Variants in PIK3R3 observed in about 807,000 individuals in gnomAD.
PIK3R3 encodes phosphoinositide-3-kinase regulatory subunit 3, also known as phosphatidylinositol 3-kinase regulatory subunit gamma.
PIK3R3 carries 64 observed loss-of-function variants against 62.9 expected under a neutral mutation model. The observed-to-expected ratio is 1.02, with a 90% confidence interval of 0.83 to 1.25. PIK3R3 has a LOEUF of 1.25. Among genes scored for constraint, PIK3R3 ranks in the 50% most tolerant of loss-of-function variants. The pLI is 0.00. For missense variants in PIK3R3, 614 were observed against 561.6 expected, an observed-to-expected ratio of 1.09 and a Z score of -0.94; for synonymous variants, 165 against 189.0, an observed-to-expected ratio of 0.87 and a Z score of 1.04.
At chr1:46,139,327 C>T in the PIK3R3 span, among the ~76,000 whole-genome samples, 4 of 150,614 alleles carry the variant, frequency 2.7e-5, no homozygotes, top group Admixed American at 6.6e-5. Flanking sequence ...CTTTTTGAGA[C>T]GGAGTTTCAC....
chr1:46,066,997 T>C lies in PIK3R3; in HGVS notation c.409A>G (p.Ile137Val). ...PLTFNSVVEL[I>V]NHYHHESLAQ... ...AGAGATTCATGGTGATAGTGGTTAA[T>C]GAGCTCCACCACGGAATTAAATGTC... is the stretch of plus-strand genomic sequence containing the variant. The change falls in exon 4 of 10, where the codon ATT (isoleucine) becomes GTT (valine). Residue 137 changes from isoleucine (I) to valine (V), a missense_variant. By Grantham distance (29) the Ile-to-Val change is conservative (BLOSUM62 3). Transcript: ENST00000262741. 6.2e-7 allele frequency: 1 copy of C among 1,608,726 alleles called. No homozygotes were observed. The highest frequency in any genetic ancestry group is 8.5e-7 in the Non-Finnish European group (1 of 1,177,620).
chr1:46,099,477 T>A lies in PIK3R3; in HGVS notation c.107-18727A>T, dbSNP rs372559598. Among the ~76,000 whole-genome samples the A allele has an allele frequency of 3.9e-4, 59 of 152,332 alleles. 1 individual carries two copies. The South Asian group carries it at 0.011, about 29-fold the overall frequency. On this transcript the variant is annotated intron_variant, in intron 1 of 9. Coordinates refer to ENST00000262741, the MANE Select transcript of PIK3R3 (RefSeq NM_003629.4). ...CCCTTATTTTTCCCCAGGGGTTCCATCTCCTAACATATTTTGTATCTTTAT... is the reference window on the plus strand; with the variant it reads ...CCCTTATTTTTCCCCAGGGGTTCCAACTCCTAACATATTTTGTATCTTTAT...
At chr1:46,057,120 C>T (rs754911941) in intron 6 of PIK3R3, 1 of 152,256 alleles carries the variant, frequency 6.6e-6, no homozygotes, top group African/African-American at 2.4e-5. Context: ...ATACTGTTCT[C>T]GTGGTAGTGA....
chr1:46,103,470 T>C (rs186008248), intron 1 of PIK3R3, among the ~76,000 whole-genome samples: 1 of 152,062 alleles, frequency 6.6e-6, no homozygotes, highest in East Asian at 2.0e-4. Flanking sequence ...CTCAGGAGGC[T>C]GAGGCACGAG....
chr1:46,166,270 C>A, the PIK3R3 span, among the ~76,000 whole-genome samples: 1 of 150,452 alleles, frequency 6.6e-6, no homozygotes. Context: ...GTCGCCCAGG[C>A]TGGAGTGCAG....
intron 6 of PIK3R3, chr1:46,056,212 G>A (rs554593234): frequency 3.7e-5 from 11 of 298,596 alleles, no homozygotes; most frequent in East Asian, 1.6e-4. Context: ...CACCACACCC[G>A]GCTAATTTTT....
intron 3 of PIK3R3, among the ~76,000 whole-genome samples, chr1:46,070,367 T>C (rs1279657762): frequency 6.6e-6 from 1 of 152,220 alleles, no homozygotes; most frequent in African/African-American, 2.4e-5. Context: ...TGTAAATATG[T>C]TGATAGCTGT....
At chr1:46,050,252 A>T (rs753564621) in intron 7 of PIK3R3, among the ~76,000 whole-genome samples, 1 of 152,050 alleles carries the variant, frequency 6.6e-6, no homozygotes, top group African/African-American at 2.4e-5. Flanking sequence ...ACTTATAAAA[A>T]TTTAGTTATC....
chr1:46,090,007 T>G (rs1287145872), intron 1 of PIK3R3, among the ~76,000 whole-genome samples: 1 of 152,116 alleles, frequency 6.6e-6, no homozygotes, highest in East Asian at 1.9e-4. Context: ...CCGGAAGAGT[T>G]AAGTGTTGCC....
chr1:46,064,862 TAAG>T (rs1648849998), intron 5 of PIK3R3, among the ~76,000 whole-genome samples: 2 of 151,914 alleles, frequency 1.3e-5, no homozygotes, highest in Admixed American at 6.6e-5. Flanking sequence ...ATTTCCACCT[TAAG>T]AAGCTAGGAA....
intron 1 of PIK3R3, among the ~76,000 whole-genome samples, chr1:46,115,541 G>A (rs1417542518): frequency 6.6e-6 from 1 of 152,130 alleles, no homozygotes; most frequent in African/African-American, 2.4e-5. Context: ...GGTCCATACT[G>A]CATATATTTT....
At chr1:46,120,693 T>C (rs1461466263) in intron 1 of PIK3R3, among the ~76,000 whole-genome samples, 1 of 152,234 alleles carries the variant, frequency 6.6e-6, no homozygotes, top group Non-Finnish European at 1.5e-5. Context: ...GTTATGGTTT[T>C]CCAAATTACT....
chr1:46,142,428 G>A, the PIK3R3 span, among the ~76,000 whole-genome samples: 2 of 152,236 alleles, frequency 1.3e-5, no homozygotes, highest in Non-Finnish European at 2.9e-5. Flanking sequence ...GCCGGGCGCG[G>A]TGGCTCACGC....
intron 1 of PIK3R3, among the ~76,000 whole-genome samples, chr1:46,110,528 T>A (rs1197448679): frequency 1.3e-5 from 2 of 152,116 alleles, no homozygotes. Context: ...AAGTAATACC[T>A]CTTCTTTGAT....
the PIK3R3 span, among the ~76,000 whole-genome samples, chr1:46,147,654 T>C: frequency 6.6e-6 from 1 of 150,814 alleles, no homozygotes; most frequent in African/African-American, 2.5e-5. Flanking sequence ...CTCGATCTCC[T>C]GACCTCGTGA....
At chr1:46,101,981 T>TTTC in intron 1 of PIK3R3, among the ~76,000 whole-genome samples, 1 of 20,834 alleles carries the variant, frequency 4.8e-5, no homozygotes, top group Middle Eastern at 0.014. Flanking sequence ...AATTGTATAC[T>TTTC]TTTTTTTTTT....
chr1:46,168,883 C>T, the PIK3R3 span, among the ~76,000 whole-genome samples: 1 of 152,106 alleles, frequency 6.6e-6, no homozygotes, highest in Non-Finnish European at 1.5e-5. Context: ...GGAACAGTGG[C>T]ATAGCCCCTC....
At chr1:46,059,686 C>A (rs373502960) in intron 6 of PIK3R3, among the ~76,000 whole-genome samples, 1 of 152,204 alleles carries the variant, frequency 6.6e-6, no homozygotes, top group South Asian at 2.1e-4. Context: ...CCTAGCAACT[C>A]GGGAGGCTGA....
intron 5 of PIK3R3, among the ~76,000 whole-genome samples, chr1:46,064,867 A>C (rs1648850638): frequency 6.6e-6 from 1 of 152,148 alleles, no homozygotes; most frequent in African/African-American, 2.4e-5. Flanking sequence ...CACCTTAAGA[A>C]GCTAGGAAAA....
Sources: allele counts gnomAD v4.1 joint callset (sites outside exome capture counted in the v4.1 genomes callset), GRCh38; gene constraint gnomAD v4.1.1; transcripts MANE v1.5; gene names NCBI Gene and HGNC (gene_info 2026-07-23, HGNC 2026-07-21).